Variants in DLG5 observed in about 807,000 individuals in gnomAD.
DLG5 encodes disks large homolog 5.
In DLG5, 48 loss-of-function variants were observed where a neutral mutation model predicts 189.8. The observed-to-expected ratio is 0.25, with a 90% CI of 0.20 to 0.32. DLG5 has a LOEUF of 0.32. Among genes scored for constraint, DLG5 ranks in the 10% least tolerant of loss-of-function variants. DLG5 has a pLI of 1.00. For synonymous variants in DLG5, 1,016 were observed against 1,054.1 expected, an observed-to-expected ratio of 0.96 and a Z score of 0.70; for missense variants, 2,160 against 2,544.7, an observed-to-expected ratio of 0.85 and a Z score of 3.25.
In DLG5 at chr10:77,821,287, G is replaced by C. The variant is rs754549262; in HGVS notation, c.3197C>G (p.Pro1066Arg). ...DPGEPMHASPPRKARVRIASS... is the reference protein window; with the variant it reads ...DPGEPMHASPRRKARVRIASS... ...AGCAATGCGGACCCTGGCCTTGCGAGGGGGTGATGCGTGCATGGGCTCCCC... is the reference window on the plus strand; with the variant it reads ...AGCAATGCGGACCCTGGCCTTGCGACGGGGTGATGCGTGCATGGGCTCCCC... The change falls in exon 15 of 32, where the codon CCT becomes CGT. Residue 1066 changes from proline to arginine, a missense_variant. Physicochemically the swap from Pro to Arg is moderately radical, Grantham distance 103 (BLOSUM62 -2). Transcript: ENST00000372391. 1.9e-6 allele frequency: 3 copies of C among 1,613,710 alleles called. No individual in the cohort carries two copies. The highest frequency in any genetic ancestry group is 2.7e-5 in the African/African-American group (2 of 75,062).
chr10:77,811,831 G>A, intron 22 of DLG5, 93 bp downstream of exon 22: 1 of 1,459,406 alleles, frequency 6.9e-7, no homozygotes, highest in Non-Finnish European at 9.1e-7. Flanking sequence ...AGAACTTACG[G>A]CTGGCACCCT....
chr10:77,848,885 G>GA (rs1564545541), intron 5 of DLG5, among the ~76,000 whole-genome samples: 1 of 152,108 alleles, frequency 6.6e-6, no homozygotes, highest in Non-Finnish European at 1.5e-5. Flanking sequence ...ATTGGTTGAA[G>GA]ATTTTTTTTC....
intron 1 of DLG5, among the ~76,000 whole-genome samples, chr10:77,919,447 G>C (rs1156448479): frequency 6.6e-6 from 1 of 151,484 alleles, no homozygotes; most frequent in Non-Finnish European, 1.5e-5. Context: ...ACAGGAATGA[G>C]CAAGTCTCCC....
intron 2 of DLG5, 49 bp from the exon 3 acceptor site, chr10:77,856,941 G>C: frequency 6.4e-7 from 1 of 1,562,842 alleles, no homozygotes; most frequent in Non-Finnish European, 8.7e-7. Context: ...TGGCATTCAC[G>C]AGGCGCCCGG....
intron 16 of DLG5, 105 bp from the exon 17 acceptor site, chr10:77,819,570 G>A: frequency 7.0e-7 from 1 of 1,422,728 alleles, no homozygotes; most frequent in Non-Finnish European, 9.3e-7. Flanking sequence ...AGTCTTTTGG[G>A]AAAAGGACTT....
At chr10:77,813,309 C>T (rs970383885) in intron 20 of DLG5, among the ~76,000 whole-genome samples, 1 of 152,212 alleles carries the variant, frequency 6.6e-6, no homozygotes, top group African/African-American at 2.4e-5. Context: ...AGGATAGATT[C>T]TAGCGGGGAG....
At chr10:77,886,494 C>T (rs900952649) in intron 1 of DLG5, among the ~76,000 whole-genome samples, 1 of 151,636 alleles carries the variant, frequency 6.6e-6, no homozygotes, top group Non-Finnish European at 1.5e-5. Flanking sequence ...GCTGGGATTA[C>T]AGGCACACAC....
chr10:77,834,166 C>T (rs1355236877), intron 8 of DLG5, 127 bp from the exon 9 acceptor site: 1 of 1,321,096 alleles, frequency 7.6e-7, no homozygotes, highest in Non-Finnish European at 1.0e-6. Context: ...CCCAGATGCA[C>T]AGGAACACTT....
intron 3 of DLG5, among the ~76,000 whole-genome samples, chr10:77,855,149 T>A (rs1392249363): frequency 6.6e-6 from 1 of 152,194 alleles, no homozygotes; most frequent in African/African-American, 2.4e-5. Context: ...AACCCAAACG[T>A]GAGGATTTTT....
At chr10:77,892,411 C>G (rs1175681665) in intron 1 of DLG5, among the ~76,000 whole-genome samples, 1 of 152,198 alleles carries the variant, frequency 6.6e-6, no homozygotes, top group Non-Finnish European at 1.5e-5. Flanking sequence ...GACTTGGGAG[C>G]ACTTTCATCA....
chr10:77,839,510 A>G (rs963407337), intron 7 of DLG5, among the ~76,000 whole-genome samples: 4 of 152,166 alleles, frequency 2.6e-5, no homozygotes, highest in African/African-American at 9.7e-5. Context: ...CAAAAAAAGA[A>G]AGAAAGAAAA....
intron 9 of DLG5, among the ~76,000 whole-genome samples, chr10:77,833,406 G>T (rs1842969349): frequency 1.3e-5 from 2 of 152,206 alleles, no homozygotes; most frequent in South Asian, 4.1e-4. Flanking sequence ...CTCTTAGATG[G>T]ACCTGACCTT....
At chr10:77,861,074 T>C (rs753780269) in intron 2 of DLG5, among the ~76,000 whole-genome samples, 2 of 152,188 alleles carry the variant, frequency 1.3e-5, no homozygotes, top group African/African-American at 2.4e-5. Context: ...CTGTTTAACA[T>C]CCAGCTTCAC....
intron 1 of DLG5, among the ~76,000 whole-genome samples, chr10:77,873,138 G>A (rs902252556): frequency 3.3e-5 from 5 of 152,066 alleles, no homozygotes; most frequent in Non-Finnish European, 1.5e-5. Flanking sequence ...GTTGGATGAT[G>A]TGGAAACATT....
chr10:77,877,325 G>A (rs1413772487), intron 1 of DLG5, among the ~76,000 whole-genome samples: 1 of 149,854 alleles, frequency 6.7e-6, no homozygotes, highest in Non-Finnish European at 1.5e-5. Flanking sequence ...CCTCTTTTAA[G>A]TGGCAAGTGA....
At chr10:77,936,887 C>T in the DLG5 span, among the ~76,000 whole-genome samples, 1 of 152,122 alleles carries the variant, frequency 6.6e-6, no homozygotes, top group Admixed American at 6.6e-5. Flanking sequence ...AGTTTGAAGT[C>T]ACAGCTGGAA....
chr10:77,882,759 CA>C (rs11402456), intron 1 of DLG5, among the ~76,000 whole-genome samples: 48 of 143,132 alleles, frequency 3.4e-4, no homozygotes, highest in Non-Finnish European at 3.7e-4. Flanking sequence ...TAAAAAAATA[CA>C]AAAAAAAAAA....
intron 12 of DLG5, 38 bp downstream of exon 12, chr10:77,829,317 C>G: frequency 6.2e-7 from 1 of 1,612,036 alleles, no homozygotes; most frequent in Non-Finnish European, 8.5e-7. Flanking sequence ...AGGGCCCCAG[C>G]CACCTGAGGC....
chr10:77,871,036 C>A lies in DLG5; in HGVS notation c.305-1839G>T, dbSNP rs112570586. ...TGGCAAGCACTAGGACAGGCGTGACCGGCAATGACCAGTAGCCTCATTATC... is the reference window on the plus strand; with the variant it reads ...TGGCAAGCACTAGGACAGGCGTGACAGGCAATGACCAGTAGCCTCATTATC... On this transcript the variant is annotated intron_variant, in intron 1 of 31. Transcript: ENST00000372391. 1.2e-3 allele frequency among the ~76,000 whole-genome samples: 179 copies of A among 152,292 alleles called. 1 individual carries two copies. The highest frequency in any genetic ancestry group is 3.8e-3 in the African/African-American group (156 of 41,566).
Sources: allele counts gnomAD v4.1 joint callset (sites outside exome capture counted in the v4.1 genomes callset), GRCh38; gene constraint gnomAD v4.1.1; transcripts MANE v1.5; gene names NCBI Gene and HGNC (gene_info 2026-07-23, HGNC 2026-07-21).